MAN2B2: variants seen among roughly 807,000 people sequenced by gnomAD.
The protein encoded by MAN2B2 is epididymis-specific alpha-mannosidase.
Under a neutral mutation model 117.1 loss-of-function variants are expected in MAN2B2, and 106 were observed. The observed-to-expected ratio is 0.90, with a 90% CI of 0.77 to 1.06. MAN2B2 has a LOEUF of 1.06. Ranked by LOEUF, MAN2B2 falls within the 50% of genes least tolerant of loss-of-function variation. The probability of loss-of-function intolerance (pLI) is 0.00; values close to 1 mark genes in which losing one functional copy is unlikely to be tolerated. For missense variants in MAN2B2, 1,326 were observed against 1,381.4 expected, an observed-to-expected ratio of 0.96 and a Z score of 0.64; for synonymous variants, 544 against 595.1, an observed-to-expected ratio of 0.91 and a Z score of 1.25.
chr4:6,597,355 A>C (rs1577283879), intron 8 of MAN2B2, 52 bp downstream of exon 8: 2 of 1,469,218 alleles, frequency 1.4e-6, no homozygotes, highest in African/African-American at 1.4e-5. Context: ...CATGCTGCGC[A>C]CCTCCCCTCC....
chr4:6,596,968 C>G (rs1727116002), intron 7 of MAN2B2, 145 bp from the exon 8 acceptor site: 3 of 745,614 alleles, frequency 4.0e-6, no homozygotes, highest in Non-Finnish European at 4.5e-6. Context: ...AAGCCCTGGG[C>G]TCGCTGCCTG....
chr4:6,605,391 C>T, intron 11 of MAN2B2, 62 bp downstream of exon 11: 2 of 1,532,350 alleles, frequency 1.3e-6, no homozygotes, highest in Non-Finnish European at 1.8e-6. Context: ...GCATGTCAGG[C>T]CCCTACCTGG....
intron 7 of MAN2B2, among the ~76,000 whole-genome samples, chr4:6,596,354 G>A (rs1038536314): frequency 6.6e-6 from 1 of 152,132 alleles, no homozygotes. Flanking sequence ...TGTCCCCTGG[G>A]CCATGTGACC....
At chr4:6,590,869 C>G (rs887989474) in intron 5 of MAN2B2, among the ~76,000 whole-genome samples, 2 of 151,516 alleles carry the variant, frequency 1.3e-5, no homozygotes, top group African/African-American at 4.8e-5. Flanking sequence ...CCGGAGGAGG[C>G]CAGGCGCAGT....
rs886889163 is a variant in MAN2B2, at chr4:6,611,002, G to A, written c.2370+12G>A. The A allele has an allele frequency of 1.5e-5, 25 of 1,613,880 alleles. No homozygotes were observed. The highest frequency in any genetic ancestry group is 2.2e-5 in the South Asian group (2 of 91,086). ...ATGGGCAGGTGGAGGTAGGAGGCAC[G>A]GTCTGTCCTACAGCAGCCCCTCGCG... On this transcript the variant is annotated intron_variant, in intron 14 of 18. Transcript: ENST00000285599.
Position 6,598,337 on chromosome 4 carries a change from C to T in MAN2B2, c.1388C>T (p.Pro463Leu). Reference sequence around the variant, plus strand: ...CTAGATGAGCTCCAGCCCCAGGCACCCATGGCGGCCAGCTCCGGTGAGCAG... The same window carrying T: ...CTAGATGAGCTCCAGCCCCAGGCACTCATGGCGGCCAGCTCCGGTGAGCAG... ...IVLDELQPQA[P>L]MAASSDAGPA... is the part of the protein sequence containing the mutation. Residue 463 changes from proline (P) to leucine (L), a missense_variant, in exon 9 of 19, where the codon CCC (proline) becomes CTC (leucine). Physicochemically the swap from Pro to Leu is moderately conservative, Grantham distance 98. Transcript: ENST00000285599. 1 of 1,612,484 alleles carries T rather than the reference C, an allele frequency of 6.2e-7. No individual in the cohort carries two copies. Among genetic ancestry groups the T allele is most frequent in the Non-Finnish European group, 8.5e-7 (1 of 1,179,454 alleles).
At chr4:6,587,913 C>A (rs935817514) in intron 4 of MAN2B2, among the ~76,000 whole-genome samples, 5 of 151,884 alleles carry the variant, frequency 3.3e-5, no homozygotes, top group Non-Finnish European at 7.4e-5. Flanking sequence ...TGCCACCACG[C>A]CCAGCTAAAT....
chr4:6,604,359 GGCCACAGCA>G (rs1727447636), intron 10 of MAN2B2, among the ~76,000 whole-genome samples: 1 of 151,966 alleles, frequency 6.6e-6, no homozygotes, highest in Non-Finnish European at 1.5e-5. Flanking sequence ...CCTAGGGAGG[GGCCACAGCA>G]GCTGTGACCA....
rs1161526165 is a variant in MAN2B2 at position 6,620,045 on chromosome 4, G to A, written c.2932+1G>A. On this transcript the variant is annotated splice_donor_variant, in intron 18 of 18. Transcript: ENST00000285599. LOFTEE classifies it high-confidence loss of function. ...AGGACGGGGCCTGGCCGCCACAGAG[G>A]TTTGGGGACCCCCGCTTCAGCTCCC... 1 of 1,609,256 alleles carries A rather than the reference G, an allele frequency of 6.2e-7. No homozygotes were observed. The highest frequency in any genetic ancestry group is 1.1e-5 in the South Asian group (1 of 90,504).
rs539026942 is a variant in MAN2B2 at position 6,605,551 on chromosome 4, G to GA, written c.1814+229dup. On this transcript the variant is annotated intron_variant, in intron 11 of 18. Coordinates refer to ENST00000285599, the MANE Select transcript of MAN2B2 (RefSeq NM_015274.3). ...TTCATTCCAGGGCTATTGATCCATA[G>GA]AAAAAAATGAGCACTGAGGGACTCA... is the stretch of plus-strand genomic sequence containing the variant. Among the ~76,000 whole-genome samples, 288 of 151,510 alleles carry GA rather than the reference G, an allele frequency of 1.9e-3. 2 individuals are homozygous for GA. The highest frequency in any genetic ancestry group is 6.6e-3 in the African/African-American group (273 of 41,270).
At chr4:6,616,467 C>G (rs963645213) in intron 16 of MAN2B2, among the ~76,000 whole-genome samples, 1 of 152,186 alleles carries the variant, frequency 6.6e-6, no homozygotes, top group Non-Finnish European at 1.5e-5. Context: ...CATTTCTCCC[C>G]CATGCTGTGC....
intron 7 of MAN2B2, 82 bp downstream of exon 7, chr4:6,594,814 G>A (rs1727013209): frequency 7.2e-7 from 1 of 1,393,966 alleles, no homozygotes; most frequent in Non-Finnish European, 9.9e-7. Flanking sequence ...TTCAGTGGCT[G>A]CTCGGCACTG....
At chr4:6,581,295 C>G (rs978678160) in intron 3 of MAN2B2, among the ~76,000 whole-genome samples, 1 of 152,192 alleles carries the variant, frequency 6.6e-6, no homozygotes, top group Non-Finnish European at 1.5e-5. Flanking sequence ...CATCTGCTAT[C>G]TCTTAGTTGC....
chr4:6,580,347 G>A (rs1034786352), intron 3 of MAN2B2, among the ~76,000 whole-genome samples: 5 of 152,232 alleles, frequency 3.3e-5, no homozygotes, highest in Admixed American at 2.0e-4. Context: ...GCCCTCAGCC[G>A]CCTGCTGTGG....
chr4:6,621,435 G>T lies in MAN2B2; in HGVS notation c.*150G>T. Reference sequence around the variant, plus strand: ...AATGGCAGGAAATGGTCATATTTGGGGTTTTTCCCTAATTTTTTTAAACAA... The same window carrying T: ...AATGGCAGGAAATGGTCATATTTGGTGTTTTTCCCTAATTTTTTTAAACAA... On this transcript the variant is annotated 3_prime_UTR_variant, in exon 19 of 19. Transcript: ENST00000285599. 2 of 607,706 alleles carry T rather than the reference G, an allele frequency of 3.3e-6. No homozygotes were observed. Among genetic ancestry groups the T allele is most frequent in the South Asian group, 2.4e-5 (1 of 41,048 alleles). 37.6% of individuals were successfully genotyped at this position (607,706 alleles called of 1,614,324 possible). A position where few individuals can be genotyped will look rare whatever the true frequency, so the allele number is the denominator to read the frequency against.
chr4:6,585,482 G>T (rs889724753), intron 3 of MAN2B2, among the ~76,000 whole-genome samples: 2 of 152,166 alleles, frequency 1.3e-5, no homozygotes, highest in Non-Finnish European at 2.9e-5. Context: ...CTTTTTCCCT[G>T]CAGCACTGAA....
chr4:6,587,237 G>A (rs1311196901), intron 4 of MAN2B2, 69 bp downstream of exon 4: 8 of 1,548,358 alleles, frequency 5.2e-6, no homozygotes, highest in Admixed American at 1.8e-5. Flanking sequence ...ATCAGAGCAC[G>A]GTAGAAAGCT....
intron 16 of MAN2B2, among the ~76,000 whole-genome samples, chr4:6,616,302 A>G (rs1711869811): frequency 6.6e-6 from 1 of 152,166 alleles, no homozygotes; most frequent in African/African-American, 2.4e-5. Context: ...AAACGGGAGC[A>G]ATGGCAATGA....
chr4:6,611,062 C>T (rs1477337197), intron 14 of MAN2B2, 24 bp from the exon 15 acceptor site: 1 of 1,611,962 alleles, frequency 6.2e-7, no homozygotes, highest in South Asian at 1.1e-5. Flanking sequence ...CAAGCCGGGC[C>T]TCTCGGACAA....
Sources: gnomAD v4.1 joint callset for allele counts (sites outside exome capture counted in the v4.1 genomes callset) on GRCh38, gnomAD v4.1.1 for gene constraint, MANE v1.5 for transcripts, NCBI Gene and HGNC (gene_info 2026-07-23, HGNC 2026-07-21) for gene names.